The following ARL15 variants were observed in gnomAD, a reference collection of about 807,000 sequenced individuals.
ARL15 encodes ADP-ribosylation factor-like protein 15.
Under a neutral mutation model 25.2 loss-of-function variants are expected in ARL15, and 19 were observed. The ratio of observed to expected loss-of-function variants is 0.75; its 90% confidence interval spans 0.53 to 1.10. ARL15 has a LOEUF of 1.10. ARL15 is among the 50% of genes least tolerant of loss of function. The pLI, the probability that ARL15 is intolerant of heterozygous loss-of-function variation, is 0.00. For missense variants in ARL15, 220 were observed against 246.0 expected (o/e 0.89, Z 0.71); for synonymous variants, 94 against 86.8 (o/e 1.08, Z -0.46).
chr5:54,126,538 G>C (rs1292715561), intron 3 of ARL15, among the ~76,000 whole-genome samples: 9 of 152,210 alleles, frequency 5.9e-5, no homozygotes, highest in Admixed American at 6.5e-5. Flanking sequence ...TCTCTGCTAT[G>C]ATTTGAATGT....
rs147674546 is a variant in ARL15, at chr5:53,965,124, A to G, written c.463-78411T>C. The stretch of plus-strand genomic sequence containing the variant: ...CTAATCTTGACTCTAGAGAGATTCA[A>G]ACAAGTAGATTTTCACACAATTGAA... On this transcript the variant is annotated intron_variant, in intron 4 of 4. Transcript: ENST00000504924. Among the ~76,000 whole-genome samples the G allele has an allele frequency of 1.3e-3, 195 of 152,348 alleles. 6 individuals are homozygous for G. The East Asian group carries it at 0.033, about 26-fold the overall frequency.
intron 4 of ARL15, among the ~76,000 whole-genome samples, chr5:54,096,002 G>C (rs975906146): frequency 6.6e-6 from 1 of 152,142 alleles, no homozygotes; most frequent in African/African-American, 2.4e-5. Context: ...GTCAGGTTTA[G>C]GTCAGTATTA....
chr5:54,061,520 G>A (rs186797393), intron 4 of ARL15, among the ~76,000 whole-genome samples: 1 of 152,310 alleles, frequency 6.6e-6, no homozygotes, highest in African/African-American at 2.4e-5. Flanking sequence ...TGAGGCAGGA[G>A]AATCGCTTGA....
At chr5:54,218,164 T>A (rs1464942478) in intron 1 of ARL15, among the ~76,000 whole-genome samples, 2 of 152,206 alleles carry the variant, frequency 1.3e-5, no homozygotes, top group African/African-American at 4.8e-5. Context: ...ACTGTTCAAG[T>A]AACCAGAAAG....
chr5:54,267,806 T>C (rs1483058473), intron 1 of ARL15, among the ~76,000 whole-genome samples: 1 of 152,148 alleles, frequency 6.6e-6, no homozygotes, highest in Admixed American at 6.5e-5. Context: ...CCCACTCTCT[T>C]CTCGCTTGTA....
chr5:54,129,877 C>T (rs566713340), intron 3 of ARL15, among the ~76,000 whole-genome samples: 2 of 152,178 alleles, frequency 1.3e-5, no homozygotes, highest in African/African-American at 4.8e-5. Flanking sequence ...AGCCAAAGTA[C>T]CATCAATATA....
chr5:54,091,019 C>G (rs1311293175), intron 4 of ARL15, among the ~76,000 whole-genome samples: 1 of 152,112 alleles, frequency 6.6e-6, no homozygotes, highest in Admixed American at 6.6e-5. Flanking sequence ...GATTAAATTT[C>G]CTCTAAAATT....
At chr5:53,958,213 C>CA (rs965490016) in intron 4 of ARL15, among the ~76,000 whole-genome samples, 1 of 150,588 alleles carries the variant, frequency 6.6e-6, no homozygotes, top group Non-Finnish European at 1.5e-5. Flanking sequence ...AAGACAAATG[C>CA]AAAAAACATT....
intron 4 of ARL15, among the ~76,000 whole-genome samples, chr5:53,986,098 A>T (rs1369194205): frequency 1.3e-5 from 2 of 152,066 alleles, no homozygotes; most frequent in African/African-American, 4.8e-5. Flanking sequence ...CTCTCCTCTC[A>T]TTTACAATTC....
chr5:53,958,904 T>C (rs183267928), intron 4 of ARL15, among the ~76,000 whole-genome samples: 2 of 152,310 alleles, frequency 1.3e-5, no homozygotes, highest in East Asian at 3.9e-4. Context: ...CTCCAAAGTA[T>C]ATGAAGCCAA....
At chr5:54,099,330 A>G (rs539230858) in intron 4 of ARL15, among the ~76,000 whole-genome samples, 128 of 152,242 alleles carry the variant, frequency 8.4e-4, no homozygotes, top group East Asian at 4.4e-3. Context: ...TCACCAAAAG[A>G]TTTGGTTTTC....
intron 4 of ARL15, among the ~76,000 whole-genome samples, chr5:53,892,217 A>G (rs1744736816): frequency 1.3e-5 from 2 of 152,210 alleles, no homozygotes; most frequent in Non-Finnish European, 2.9e-5. Context: ...GACTGTTAAA[A>G]TAAACTTTAG....
At chr5:53,933,642 CAAAAAA>C (rs34912827) in intron 4 of ARL15, among the ~76,000 whole-genome samples, 1 of 76,002 alleles carries the variant, frequency 1.3e-5, no homozygotes, top group Admixed American at 1.9e-4. Context: ...GAGACTGTCT[CAAAAAA>C]AAAAAAAAAA....
At chr5:54,058,649 A>G (rs1750964178) in intron 4 of ARL15, among the ~76,000 whole-genome samples, 1 of 152,340 alleles carries the variant, frequency 6.6e-6, no homozygotes, top group East Asian at 1.9e-4. Context: ...TACCCGTGTC[A>G]GGTTCAAGGA....
chr5:54,120,556 T>TTA (rs1472121760), intron 3 of ARL15, among the ~76,000 whole-genome samples: 1 of 152,196 alleles, frequency 6.6e-6, no homozygotes, highest in Non-Finnish European at 1.5e-5. Context: ...TGGGAACAGT[T>TTA]CTGGAGAAAT....
intron 4 of ARL15, among the ~76,000 whole-genome samples, chr5:53,902,849 A>G (rs762773163): frequency 6.6e-6 from 1 of 152,186 alleles, no homozygotes; most frequent in Non-Finnish European, 1.5e-5. Flanking sequence ...ACAGGAAAGC[A>G]TGGAGAACTA....
intron 4 of ARL15, among the ~76,000 whole-genome samples, chr5:54,031,490 T>C (rs537902589): frequency 6.6e-6 from 1 of 152,270 alleles, no homozygotes; most frequent in South Asian, 2.1e-4. Context: ...AAGAGGATTG[T>C]CCTATTCTAG....
intron 4 of ARL15, among the ~76,000 whole-genome samples, chr5:54,053,458 T>C (rs536780566): frequency 5.5e-4 from 83 of 152,060 alleles, no homozygotes; most frequent in Non-Finnish European, 9.1e-4. Flanking sequence ...TCTCTAAGTA[T>C]GACCTGTTTC....
intron 4 of ARL15, among the ~76,000 whole-genome samples, chr5:53,973,800 A>T (rs1045194120): frequency 2.0e-5 from 3 of 152,102 alleles, no homozygotes; most frequent in African/African-American, 7.2e-5. Flanking sequence ...AGGTTAAATG[A>T]TGTTTTAGTT....
Sources: gnomAD v4.1 joint callset for allele counts (sites outside exome capture counted in the v4.1 genomes callset) on GRCh38, gnomAD v4.1.1 for gene constraint, MANE v1.5 for transcripts, NCBI Gene and HGNC (gene_info 2026-07-23, HGNC 2026-07-21) for gene names.